The following BBS7 variants were observed in gnomAD, a reference collection of about 807,000 sequenced individuals.
BBS7 encodes the protein BBSome complex member BBS7.
In BBS7, 50 loss-of-function variants were observed where a neutral mutation model predicts 90.3. The ratio of observed to expected loss-of-function variants is 0.55; its 90% confidence interval spans 0.44 to 0.70. The LOEUF is 0.70. Ranked by LOEUF, BBS7 falls within the 30% of genes least tolerant of loss-of-function variation. BBS7 has a pLI of 0.00. For synonymous variants in BBS7, 235 were observed against 287.4 expected (o/e 0.82, Z 1.85); for missense variants, 729 against 838.9 (o/e 0.87, Z 1.62).
At position 121,854,080 on chromosome 4, in the gene BBS7, T is replaced by G. The variant is rs536437297; in HGVS notation, c.718+624A>C. Among the ~76,000 whole-genome samples the G allele has an allele frequency of 6.2e-4, 95 of 152,362 alleles. 2 individuals are homozygous for G. The South Asian group carries it at 0.019, about 31-fold the overall frequency. On this transcript the variant is annotated intron_variant, in intron 7 of 18. Coordinates refer to ENST00000264499, the MANE Select transcript of BBS7 (RefSeq NM_176824.3). ...TTTCACCTCTTCTAAGAGGCTATCTTTGACTACGTGGTCTAAAAGTGACCC... is the reference window on the plus strand; with the variant it reads ...TTTCACCTCTTCTAAGAGGCTATCTGTGACTACGTGGTCTAAAAGTGACCC...
chr4:121,848,261 C>T (rs1726123971), intron 9 of BBS7, among the ~76,000 whole-genome samples: 1 of 152,136 alleles, frequency 6.6e-6, no homozygotes, highest in Non-Finnish European at 1.5e-5. Context: ...GTAGGCTGAA[C>T]ATATTAAATG....
chr4:121,828,059 C>G (rs762117093), intron 18 of BBS7, 87 bp downstream of exon 18: 31 of 1,577,816 alleles, frequency 2.0e-5, no homozygotes, highest in South Asian at 4.8e-5. Flanking sequence ...ATCTTTTTAT[C>G]TTTCTGCCCA....
chr4:121,865,239 CTCTT>C (rs1379763933), intron 2 of BBS7, among the ~76,000 whole-genome samples: 2 of 95,892 alleles, frequency 2.1e-5, no homozygotes, highest in African/African-American at 6.6e-5. Flanking sequence ...ATTCTTCTCT[CTCTT>C]TTTTTTTTTT....
intron 1 of BBS7, among the ~76,000 whole-genome samples, chr4:121,868,889 A>C (rs1283856891): frequency 6.6e-6 from 1 of 152,076 alleles, no homozygotes; most frequent in Non-Finnish European, 1.5e-5. Flanking sequence ...TGAAAACAAC[A>C]CATCATGATA....
intron 15 of BBS7, among the ~76,000 whole-genome samples, chr4:121,832,536 A>G (rs1725249642): frequency 6.6e-6 from 1 of 152,150 alleles, no homozygotes; most frequent in Non-Finnish European, 1.5e-5. Flanking sequence ...TTTCTACTAT[A>G]TTGAGAAGTT....
In BBS7 at chr4:121,858,992, C is replaced by A. The variant is rs1015454276; in HGVS notation, c.528G>T (p.Gln176His). Residue 176 changes from glutamine (Q) to histidine (H), a missense_variant and splice_region_variant, in exon 5 of 19, where the codon CAG becomes CAT. Physicochemically the swap from Gln to His is conservative, Grantham distance 24. Coordinates refer to ENST00000264499, the MANE Select transcript of BBS7 (RefSeq NM_176824.3). ...ACQDRVLRVL[Q>H]GSDVMYAVEV... ...TTAGAAAAATACAAATAACAGCAAC[C>A]TGTAAAACTCTGAGCACTCTGTCCT... 2 of 1,612,652 alleles carry A rather than the reference C, an allele frequency of 1.2e-6. No individual in the cohort carries two copies. The highest frequency in any genetic ancestry group is 2.7e-5 in the African/African-American group (2 of 74,826).
At chr4:121,857,824 T>TTTTTGATG (rs1726764094) in intron 5 of BBS7, among the ~76,000 whole-genome samples, 1 of 149,852 alleles carries the variant, frequency 6.7e-6, no homozygotes, top group Non-Finnish European at 1.5e-5. Flanking sequence ...TTTTTTTTTT[T>TTTTTGATG]GAGATGGAGT....
intron 5 of BBS7, among the ~76,000 whole-genome samples, chr4:121,856,720 GAAA>G (rs1726694470): frequency 6.6e-6 from 1 of 150,968 alleles, no homozygotes; most frequent in East Asian, 1.9e-4. Flanking sequence ...AAAAAAAAAA[GAAA>G]ACACAATTTG....
chr4:121,855,496 T>A lies in BBS7; in HGVS notation c.594A>T (p.Gly198=). The change falls in exon 6 of 19, where the codon GGA becomes GGT. Residue 198 remains glycine, a synonymous_variant. Coordinates refer to ENST00000264499, the MANE Select transcript of BBS7 (RefSeq NM_176824.3). Reference sequence around the variant, plus strand: ...AAATAAAATCCTGATTACCGCCATTTCCATTGTGTAGTGCTAAGACAGTAG... The same window carrying A: ...AAATAAAATCCTGATTACCGCCATTACCATTGTGTAGTGCTAAGACAGTAG... ...GPPTVLALHN[G]NGGDSGEDLL... 1.2e-6 allele frequency: 2 copies of A among 1,613,352 alleles called. No individual in the cohort carries two copies. Among genetic ancestry groups the A allele is most frequent in the Non-Finnish European group, 1.7e-6 (2 of 1,179,422 alleles).
intron 2 of BBS7, among the ~76,000 whole-genome samples, chr4:121,863,907 T>A (rs1727120642): frequency 6.6e-6 from 1 of 152,174 alleles, no homozygotes; most frequent in African/African-American, 2.4e-5. Context: ...AAAGTAGATA[T>A]CAAACAACCT....
chr4:121,863,699 A>G (rs749559643), intron 2 of BBS7, among the ~76,000 whole-genome samples: 5 of 152,182 alleles, frequency 3.3e-5, no homozygotes, highest in Non-Finnish European at 7.4e-5. Flanking sequence ...AAAACAGATT[A>G]TCAAATAAAG....
At chr4:121,834,422 T>A (rs543755166) in intron 14 of BBS7, among the ~76,000 whole-genome samples, 1 of 152,286 alleles carries the variant, frequency 6.6e-6, no homozygotes, top group East Asian at 1.9e-4. Context: ...CTGTCTTACA[T>A]CTTATTGAAA....
At position 121,824,871 on chromosome 4, in the gene BBS7, G is replaced by A. The variant is rs1456914379; in HGVS notation, c.*989C>T. ...AGAAGCACTGTTTTCTAAAAAATTCGTGAGTCTGCCCTTCTTGAAACATAA... is the reference window on the plus strand; with the variant it reads ...AGAAGCACTGTTTTCTAAAAAATTCATGAGTCTGCCCTTCTTGAAACATAA... On this transcript the variant is annotated 3_prime_UTR_variant, in exon 19 of 19. Coordinates refer to ENST00000264499, the MANE Select transcript of BBS7 (RefSeq NM_176824.3). The surrounding 1 kb of genome is among the most constrained non-coding windows in gnomAD (Gnocchi z 4.1). 1.3e-5 allele frequency: 2 copies of A among 151,906 alleles called. No homozygotes were observed. The highest frequency in any genetic ancestry group is 4.8e-5 in the African/African-American group (2 of 41,354). The allele number at this position is 151,906 out of a possible 1,614,324, so 9.4% of individuals were successfully genotyped here.
intron 5 of BBS7, 21 bp downstream of exon 5, chr4:121,858,971 A>T: frequency 6.2e-7 from 1 of 1,607,192 alleles, no homozygotes; most frequent in Non-Finnish European, 8.5e-7. Flanking sequence ...AAAAAATTAG[A>T]AAAATACAAA....
At chr4:121,828,869 C>A in intron 15 of BBS7, 141 bp from the exon 16 acceptor site, 1 of 521,666 alleles carries the variant, frequency 1.9e-6, no homozygotes, top group South Asian at 3.6e-5. Context: ...TAATATAAAG[C>A]AAATTTAAAC....
intron 12 of BBS7, among the ~76,000 whole-genome samples, chr4:121,843,290 G>A (rs1344462129): frequency 6.6e-6 from 1 of 152,148 alleles, no homozygotes; most frequent in Non-Finnish European, 1.5e-5. Context: ...TTTTAGGAAG[G>A]AAGACGTCTC....
chr4:121,863,105 G>C (rs1349002142), intron 3 of BBS7, 112 bp downstream of exon 3: 1 of 1,006,908 alleles, frequency 9.9e-7, no homozygotes, highest in Non-Finnish European at 1.6e-6. Flanking sequence ...ACTTACCTCA[G>C]AACCCATTTT....
chr4:121,827,264 T>A (rs1485303500), intron 18 of BBS7, among the ~76,000 whole-genome samples: 1 of 152,180 alleles, frequency 6.6e-6, no homozygotes, highest in Non-Finnish European at 1.5e-5. Flanking sequence ...TCTCTGGATA[T>A]GTAATAAAAA....
chr4:121,855,312 C>T (rs1475443146), intron 6 of BBS7, 177 bp downstream of exon 6: 1 of 592,566 alleles, frequency 1.7e-6, no homozygotes, highest in South Asian at 1.7e-5. Context: ...TGCCCCCCAG[C>T]CCCCCAAAAA....
Sources: allele counts gnomAD v4.1 joint callset (sites outside exome capture counted in the v4.1 genomes callset), GRCh38; gene constraint gnomAD v4.1.1; non-coding constraint Gnocchi (gnomAD v3.1); transcripts MANE v1.5; gene names NCBI Gene and HGNC (gene_info 2026-07-23, HGNC 2026-07-21).